The following STYX variants were observed in gnomAD, a reference collection of about 807,000 sequenced individuals.
STYX encodes the protein serine/threonine/tyrosine-interacting protein.
STYX carries 20 observed loss-of-function variants against 42.7 expected under a neutral mutation model. The ratio of observed to expected loss-of-function variants is 0.47; its 90% CI spans 0.33 to 0.68. STYX has a LOEUF of 0.68. Ranked by LOEUF, STYX falls within the 30% of genes least tolerant of loss-of-function variation. The pLI, the probability that STYX is intolerant of heterozygous loss-of-function variation, is 0.02. For missense variants in STYX, 226 were observed against 268.5 expected (o/e 0.84, Z 1.11); for synonymous variants, 78 against 81.9 (o/e 0.95, Z 0.26).
At chr14:52,736,810 T>C (rs1880972034) in intron 1 of STYX, among the ~76,000 whole-genome samples, 2 of 115,282 alleles carry the variant, frequency 1.7e-5, no homozygotes, top group Admixed American at 9.2e-5. Context: ...ATTGCTGGTT[T>C]AGAAAATATC....
intron 9 of STYX, among the ~76,000 whole-genome samples, chr14:52,760,682 A>C (rs1216823713): frequency 6.6e-6 from 1 of 152,202 alleles, no homozygotes. Context: ...TACTACATTC[A>C]AAAGAGAAAC....
intron 3 of STYX, among the ~76,000 whole-genome samples, chr14:52,749,003 A>G (rs1881501408): frequency 6.6e-6 from 1 of 152,268 alleles, no homozygotes; most frequent in Non-Finnish European, 1.5e-5. Context: ...TAAAACTTGC[A>G]AATTATATTG....
In STYX at chr14:52,753,892, ATTTTTTTTTT is replaced by A. The variant is rs56734068; in HGVS notation, c.243-2641_243-2632del. On this transcript the variant is annotated intron_variant, in intron 4 of 10. Coordinates refer to ENST00000354586, the MANE Select transcript of STYX (RefSeq NM_145251.4). Reference sequence around the variant, plus strand: ...TAAAAAGGAATATCCCAAAACACTGATTTTTTTTTTTTTTTTTTTTTTTTTTTGAGACAGA... The same window carrying A: ...TAAAAAGGAATATCCCAAAACACTGATTTTTTTTTTTTTTTTTGAGACAGA... Among the ~76,000 whole-genome samples, 7 of 77,244 alleles carry A rather than the reference ATTTTTTTTTT, an allele frequency of 9.1e-5. No homozygotes were observed. In the East Asian group the frequency reaches 1.3e-3, roughly 14 times the overall value. The allele number at this position is 77,244 out of a possible 152,430, so 50.7% of individuals were successfully genotyped here. A position where few individuals can be genotyped will look rare whatever the true frequency, so the allele number is the denominator to read the frequency against.
chr14:52,757,712 TC>T lies in STYX; in HGVS notation c.341-30del, dbSNP rs1174869557. On this transcript the variant is annotated intron_variant, in intron 6 of 10. Coordinates refer to ENST00000354586, the MANE Select transcript of STYX (RefSeq NM_145251.4). ...GTTCAGCTACTGACTCAGGTGTTTTTCTATTAGAATAATGAATTCATGTTTT... is the reference window on the plus strand; with the variant it reads ...GTTCAGCTACTGACTCAGGTGTTTTTTATTAGAATAATGAATTCATGTTTT... The T allele has an allele frequency of 1.9e-6, 3 of 1,610,884 alleles. No individual in the cohort carries two copies. In the East Asian group the frequency reaches 6.7e-5, roughly 36 times the overall value.
At chr14:52,746,517 T>C in intron 3 of STYX, 38 bp downstream of exon 3, 1 of 1,522,506 alleles carries the variant, frequency 6.6e-7, no homozygotes, top group Non-Finnish European at 8.8e-7. Context: ...GAGACTTTTA[T>C]TAACCAACTT....
chr14:52,748,758 T>A (rs1420149210), intron 3 of STYX, among the ~76,000 whole-genome samples: 1 of 152,240 alleles, frequency 6.6e-6, no homozygotes, highest in East Asian at 1.9e-4. Flanking sequence ...CGTCTTGTGC[T>A]TTCTCACATT....
intron 9 of STYX, among the ~76,000 whole-genome samples, chr14:52,761,629 C>T (rs757479206): frequency 1.2e-4 from 16 of 133,720 alleles, no homozygotes; most frequent in Non-Finnish European, 2.5e-4. Flanking sequence ...AGTGCAATGG[C>T]GCCATCTCGG....
chr14:52,755,949 A>G (rs533023268), intron 4 of STYX, among the ~76,000 whole-genome samples: 1 of 152,330 alleles, frequency 6.6e-6, no homozygotes, highest in South Asian at 2.1e-4. Context: ...GGTCCACTCT[A>G]ATCTAGAGGA....
chr14:52,738,001 C>T (rs940531834), intron 1 of STYX, among the ~76,000 whole-genome samples: 1 of 152,194 alleles, frequency 6.6e-6, no homozygotes, highest in Non-Finnish European at 1.5e-5. Flanking sequence ...TGGTCTCGAT[C>T]TCCTGACCCT....
In STYX at chr14:52,768,863, A is replaced by G. The variant is rs991787225; in HGVS notation, c.528A>G (p.Ala176=). ...AGGAATATGAAGCCATCTACCTAGC[A>G]AAATTAACAATACAGATGATGTCAC... ...QLQEYEAIYL[A]KLTIQMMSPL... Residue 176 remains alanine (A), a synonymous_variant, in exon 10 of 11, where the codon GCA becomes GCG. Coordinates refer to ENST00000354586, the MANE Select transcript of STYX (RefSeq NM_145251.4). 1.1e-5 allele frequency: 18 copies of G among 1,597,802 alleles called. No homozygotes were observed. The highest frequency in any genetic ancestry group is 1.4e-5 in the Non-Finnish European group (16 of 1,174,062).
intron 4 of STYX, among the ~76,000 whole-genome samples, chr14:52,755,703 T>C (rs80047582): frequency 8.3e-4 from 125 of 150,626 alleles, no homozygotes; most frequent in East Asian, 2.1e-3. Context: ...TTTTTTTTTT[T>C]CCCCTTTACT....
intron 4 of STYX, among the ~76,000 whole-genome samples, chr14:52,752,100 C>T (rs1881635280): frequency 6.6e-6 from 1 of 151,516 alleles, no homozygotes; most frequent in Admixed American, 6.6e-5. Flanking sequence ...GCAGAGGTTA[C>T]AGTGAGCCGA....
chr14:52,730,401 G>T lies in STYX; in HGVS notation c.-74G>T, dbSNP rs901480405. On this transcript the variant is annotated 5_prime_UTR_variant, in exon 1 of 11. Coordinates refer to ENST00000354586, the MANE Select transcript of STYX (RefSeq NM_145251.4). ...TCCGCCGGCCCTCCTTCCTTCCGCC[G>T]CCGCAGCCAGCCCGAGGGTCGGCCG... 9 of 1,541,410 alleles carry T rather than the reference G, an allele frequency of 5.8e-6. No homozygotes were observed. The South Asian group carries it at 1.0e-4, about 18-fold the overall frequency.
intron 1 of STYX, among the ~76,000 whole-genome samples, chr14:52,734,965 G>C (rs1292384544): frequency 6.6e-6 from 1 of 151,986 alleles, no homozygotes; most frequent in Non-Finnish European, 1.5e-5. Flanking sequence ...GCTGAGGCAG[G>C]AGAATGGCAT....
In STYX at chr14:52,772,697, A is replaced by C. The variant is rs1049928352; in HGVS notation, c.*1591A>C. ...TTTCCTCTCTATGATGTGATAATAC[A>C]GTAAAAGCTTTCTTACCCAGCATAG... On this transcript the variant is annotated 3_prime_UTR_variant, in exon 11 of 11. Coordinates refer to ENST00000354586, the MANE Select transcript of STYX (RefSeq NM_145251.4). 1.3e-5 allele frequency: 2 copies of C among 152,584 alleles called. No homozygotes were observed. Among genetic ancestry groups the C allele is most frequent in the African/African-American group, 2.4e-5 (1 of 41,432 alleles). 9.5% of individuals were successfully genotyped at this position (152,584 alleles called of 1,614,324 possible). A position where few individuals can be genotyped will look rare whatever the true frequency, so the allele number is the denominator to read the frequency against.
chr14:52,757,223 A>G (rs957625780), intron 5 of STYX, 96 bp from the exon 6 acceptor site: 4 of 975,924 alleles, frequency 4.1e-6, no homozygotes, highest in African/African-American at 3.3e-5. Context: ...ATTTTTATAC[A>G]TATAAATTAG....
chr14:52,757,498 C>T, intron 6 of STYX, 143 bp downstream of exon 6: 1 of 864,636 alleles, frequency 1.2e-6, no homozygotes, highest in South Asian at 1.8e-5. Flanking sequence ...TTCCCAATTA[C>T]TTGTTTCATT....
At chr14:52,736,706 T>A (rs937906259) in intron 1 of STYX, among the ~76,000 whole-genome samples, 6 of 152,104 alleles carry the variant, frequency 3.9e-5, no homozygotes, top group Admixed American at 2.0e-4. Flanking sequence ...AGGAATTTTT[T>A]AAAAATACTG....
intron 1 of STYX, among the ~76,000 whole-genome samples, chr14:52,739,977 T>C (rs1881122184): frequency 6.6e-6 from 1 of 151,946 alleles, no homozygotes; most frequent in Non-Finnish European, 1.5e-5. Flanking sequence ...CCATAACACA[T>C]TGGTAAGTTA....
Sources: allele counts gnomAD v4.1 joint callset (sites outside exome capture counted in the v4.1 genomes callset), GRCh38; gene constraint gnomAD v4.1.1; transcripts MANE v1.5; gene names NCBI Gene and HGNC (gene_info 2026-07-23, HGNC 2026-07-21).